The following SLC39A8 variants were observed in gnomAD, a reference collection of about 807,000 sequenced individuals.
SLC39A8 encodes the protein solute carrier family 39 member 8.
SLC39A8 carries 15 observed loss-of-function variants against 40.4 expected under a neutral mutation model. The ratio of observed to expected loss-of-function variants is 0.37; its 90% CI spans 0.25 to 0.57. The LOEUF is 0.57. Ranked by LOEUF, SLC39A8 falls within the 20% of genes least tolerant of loss-of-function variation. The probability of loss-of-function intolerance (pLI) is 0.75; values close to 1 mark genes in which losing one functional copy is unlikely to be tolerated. For synonymous variants in SLC39A8, 223 were observed against 221.6 expected, an observed-to-expected ratio of 1.01 and a Z score of -0.06; for missense variants, 472 against 558.8, an observed-to-expected ratio of 0.84 and a Z score of 1.57.
intron 6 of SLC39A8, among the ~76,000 whole-genome samples, chr4:102,275,645 C>T (rs1019868352): frequency 2.6e-5 from 4 of 152,152 alleles, no homozygotes; most frequent in Non-Finnish European, 2.9e-5. Context: ...TAATAGATAT[C>T]TACAGAACTC....
intron 4 of SLC39A8, 24 bp from the exon 5 acceptor site, chr4:102,305,135 C>G: frequency 1.3e-6 from 2 of 1,594,242 alleles, no homozygotes; most frequent in Non-Finnish European, 1.7e-6. Context: ...AAGGGCAATT[C>G]AAGTAAAACC....
downstream of SLC39A8, among the ~76,000 whole-genome samples, chr4:102,258,736 T>C (rs1731770682): frequency 6.6e-6 from 1 of 152,218 alleles, no homozygotes; most frequent in African/African-American, 2.4e-5. Flanking sequence ...TGCTTAAGAC[T>C]AACCTTTCTT....
At chr4:102,320,151 T>C (rs1309602702) in intron 2 of SLC39A8, among the ~76,000 whole-genome samples, 3 of 124,928 alleles carry the variant, frequency 2.4e-5, no homozygotes, top group African/African-American at 6.3e-5. Context: ...TTCCTCATAA[T>C]CTCTCATATA....
Position 102,344,776 on chromosome 4 carries a change from C to T in SLC39A8, c.-114G>A, listed in dbSNP as rs903194617. The T allele has an allele frequency of 7.5e-7, 1 of 1,326,502 alleles. No individual in the cohort carries two copies. Among genetic ancestry groups the T allele is most frequent in the Non-Finnish European group, 9.6e-7 (1 of 1,043,216 alleles). The allele number at this position is 1,326,502 out of a possible 1,614,324, so 82.2% of individuals were successfully genotyped here. A position where few individuals can be genotyped will look rare whatever the true frequency, so the allele number is the denominator to read the frequency against. On this transcript the variant is annotated 5_prime_UTR_variant, in exon 2 of 9. Transcript: ENST00000356736. ...GGAGCGTCAGTGCTCGGCGCTGCTCCGAGTCAGAGGTGGCGCGGGACGCCC... is the reference window on the plus strand; with the variant it reads ...GGAGCGTCAGTGCTCGGCGCTGCTCTGAGTCAGAGGTGGCGCGGGACGCCC...
chr4:102,338,703 A>T (rs559680236), intron 2 of SLC39A8, among the ~76,000 whole-genome samples: 1 of 152,300 alleles, frequency 6.6e-6, no homozygotes, highest in South Asian at 2.1e-4. Context: ...CAAAAAATGC[A>T]CTATAGCATA....
At chr4:102,311,875 T>C (rs552973837) in intron 3 of SLC39A8, among the ~76,000 whole-genome samples, 16 of 152,098 alleles carry the variant, frequency 1.1e-4, no homozygotes, top group African/African-American at 3.4e-4. Flanking sequence ...TGACTCTTCA[T>C]TAAGTGAAAA....
chr4:102,321,753 CA>C (rs778275487), intron 2 of SLC39A8, among the ~76,000 whole-genome samples: 23 of 152,298 alleles, frequency 1.5e-4, no homozygotes, highest in Non-Finnish European at 2.8e-4. Context: ...ACCCCAAATG[CA>C]AATGATTGGT....
rs747324836 is a variant in SLC39A8, at chr4:102,344,554, A to T, written c.109T>A (p.Phe37Ile). The change falls in exon 2 of 9, where the codon TTC becomes ATC. Residue 37 changes from phenylalanine to isoleucine, a missense_variant. Around this residue, in one of 4 missense-constraint regions of SLC39A8, gnomAD observed 175 missense variants for 160.5 expected, o/e 1.09. Coordinates refer to ENST00000356736, the MANE Select transcript of SLC39A8 (RefSeq NM_001135146.2). ...LAFSEDVLSV[F>I]GANLSLSAAQ... is the part of the protein sequence containing the mutation. ...GCCGACAGGCTCAGATTCGCGCCGA[A>T]CACGCTCAGCACATCCTCGCTGAAG... is the stretch of plus-strand genomic sequence containing the variant. 1.3e-6 allele frequency: 2 copies of T among 1,554,926 alleles called. No homozygotes were observed. The highest frequency in any genetic ancestry group is 1.9e-5 in the Admixed American group (1 of 51,918).
chr4:102,292,948 G>A (rs1172662456), intron 6 of SLC39A8, among the ~76,000 whole-genome samples: 7 of 151,970 alleles, frequency 4.6e-5, no homozygotes, highest in African/African-American at 9.7e-5. Flanking sequence ...GAAGAAACCC[G>A]ATTAGTTATC....
exon 12 of SLC39A8, chr4:102,253,181 G>A (rs780285466): frequency 8.2e-5 from 31 of 379,228 alleles, no homozygotes; most frequent in African/African-American, 1.9e-4. Flanking sequence ...GGAGGGCGGC[G>A]GGGAACACAA....
At chr4:102,258,232 G>A (rs559899699), downstream of SLC39A8, among the ~76,000 whole-genome samples, 5 of 151,974 alleles carry the variant, frequency 3.3e-5, no homozygotes, top group African/African-American at 1.2e-4. Context: ...AGCCTCCCGA[G>A]TAGCTGGGAC....
At chr4:102,256,253 A>G (rs915996068) in intron 11 of SLC39A8, among the ~76,000 whole-genome samples, 4 of 152,230 alleles carry the variant, frequency 2.6e-5, no homozygotes, top group Non-Finnish European at 5.9e-5. Flanking sequence ...GTTCTCACTC[A>G]GATATTCCAC....
At chr4:102,266,469 TTATG>T (rs1269379210) in intron 8 of SLC39A8, among the ~76,000 whole-genome samples, 3 of 152,218 alleles carry the variant, frequency 2.0e-5, no homozygotes, top group African/African-American at 7.2e-5. Flanking sequence ...AATTATTAAA[TTATG>T]TATGTAATAC....
At chr4:102,306,666 C>T (rs938906597) in intron 4 of SLC39A8, among the ~76,000 whole-genome samples, 3 of 151,932 alleles carry the variant, frequency 2.0e-5, no homozygotes, top group African/African-American at 7.2e-5. Context: ...GTGGCAGATA[C>T]AGTCCATGTA....
intron 6 of SLC39A8, among the ~76,000 whole-genome samples, chr4:102,288,596 C>G (rs233813): frequency 0.17 from 25,529 of 152,108 alleles, 2,517 homozygotes; most frequent in Middle Eastern, 0.23. Context: ...GCCAAACAGC[C>G]AAGCTGTGAA....
intron 3 of SLC39A8, among the ~76,000 whole-genome samples, chr4:102,311,724 T>C (rs906654453): frequency 6.6e-5 from 10 of 152,058 alleles, no homozygotes; most frequent in Admixed American, 2.6e-4. Flanking sequence ...GCACATGAAA[T>C]ACTTTCAAAA....
downstream of SLC39A8, among the ~76,000 whole-genome samples, chr4:102,261,369 T>A (rs1350964047): frequency 6.6e-6 from 1 of 152,198 alleles, no homozygotes; most frequent in African/African-American, 2.4e-5. Context: ...AGTTCACTTT[T>A]TAAAAATTTA....
At chr4:102,330,593 G>C (rs191108984) in intron 2 of SLC39A8, among the ~76,000 whole-genome samples, 3 of 152,052 alleles carry the variant, frequency 2.0e-5, no homozygotes, top group Non-Finnish European at 4.4e-5. Flanking sequence ...CGGTATTCAC[G>C]GATACAGAGG....
chr4:102,267,096 T>C (rs1224015026), intron 8 of SLC39A8, among the ~76,000 whole-genome samples: 1 of 152,206 alleles, frequency 6.6e-6, no homozygotes, highest in Non-Finnish European at 1.5e-5. Context: ...CTATTTACTC[T>C]AATAAGTTAT....
Sources: allele counts gnomAD v4.1 joint callset (sites outside exome capture counted in the v4.1 genomes callset), GRCh38; gene constraint gnomAD v4.1.1; regional missense constraint gnomAD v4.1.1; transcripts MANE v1.5; gene names NCBI Gene and HGNC (gene_info 2026-07-23, HGNC 2026-07-21).